The following ST18 variants were observed in gnomAD, a reference collection of about 807,000 sequenced individuals.
The protein encoded by ST18 is ST18 C2H2C-type zinc finger transcription factor.
A neutral mutation model predicts 110.0 loss-of-function variants in ST18; 50 were observed. That is an observed-to-expected ratio of 0.45 (90% confidence interval 0.36 to 0.58). The LOEUF (loss-of-function observed/expected upper bound fraction) is 0.58. ST18 is among the 20% of genes least tolerant of loss of function. ST18 has a pLI of 0.00. For missense variants in ST18, 1,306 were observed against 1,280.1 expected (o/e 1.02, Z -0.31); for synonymous variants, 461 against 452.4 (o/e 1.02, Z -0.24).
intron 2 of ST18, among the ~76,000 whole-genome samples, chr8:52,326,584 A>T (rs114554445): frequency 0.01 from 1,568 of 152,306 alleles, 24 homozygotes; most frequent in African/African-American, 0.036. Context: ...AGGCAAAGTC[A>T]ATGGTGCCTC....
In ST18 at chr8:52,116,377, C is replaced by T; in HGVS notation, c.2901G>A (p.Glu967=). 6.2e-7 allele frequency: 1 copy of T among 1,613,910 alleles called. No homozygotes were observed. Among genetic ancestry groups the T allele is most frequent in the Non-Finnish European group, 8.5e-7 (1 of 1,179,888 alleles). The part of the protein sequence containing the change: ...MESNLKTIEE[E]NKLIEQNNES... Reference sequence around the variant, plus strand: ...CATTGTTCTGTTCTATGAGTTTGTTCTCCTCCTCTATCGTCTTTAAGTTGC... The same window carrying T: ...CATTGTTCTGTTCTATGAGTTTGTTTTCCTCCTCTATCGTCTTTAAGTTGC... Residue 967 remains glutamate, a synonymous_variant, in exon 25 of 26, where the codon GAG becomes GAA. Coordinates refer to ENST00000689386, the MANE Select transcript of ST18 (RefSeq NM_001352837.2).
intron 2 of ST18, among the ~76,000 whole-genome samples, chr8:52,241,142 A>G (rs149405272): frequency 4.9e-4 from 75 of 152,266 alleles, no homozygotes; most frequent in African/African-American, 1.6e-3. Context: ...CATAGGTCCT[A>G]CTGTACTGTG....
intron 14 of ST18, among the ~76,000 whole-genome samples, chr8:52,159,660 T>C (rs531124230): frequency 6.6e-6 from 1 of 152,320 alleles, no homozygotes; most frequent in South Asian, 2.1e-4. Flanking sequence ...TTCATCCAAC[T>C]AGATGGAACT....
intron 23 of ST18, among the ~76,000 whole-genome samples, chr8:52,119,313 G>A (rs977340574): frequency 1.3e-5 from 2 of 152,164 alleles, no homozygotes; most frequent in Non-Finnish European, 2.9e-5. Flanking sequence ...TCAAGGACCT[G>A]GGGAAGGTAG....
At chr8:52,323,731 G>C (rs940143837) in intron 2 of ST18, among the ~76,000 whole-genome samples, 4 of 152,202 alleles carry the variant, frequency 2.6e-5, no homozygotes, top group African/African-American at 9.7e-5. Flanking sequence ...GACTCTGGGC[G>C]AGGGGGAGGC....
At chr8:52,364,771 G>GGGAC (rs1827167089) in intron 2 of ST18, among the ~76,000 whole-genome samples, 1 of 152,120 alleles carries the variant, frequency 6.6e-6, no homozygotes, top group Non-Finnish European at 1.5e-5. Context: ...CACCACCCAT[G>GGGAC]GGACCTGCAG....
intron 2 of ST18, among the ~76,000 whole-genome samples, chr8:52,318,413 G>A (rs191690210): frequency 1.3e-5 from 2 of 152,162 alleles, no homozygotes; most frequent in South Asian, 2.1e-4. Context: ...TGCTGGCAAC[G>A]TTGTGGAGAA....
chr8:52,123,664 G>A (rs1209230934), intron 23 of ST18, among the ~76,000 whole-genome samples: 3 of 152,174 alleles, frequency 2.0e-5, no homozygotes, highest in African/African-American at 7.2e-5. Context: ...AACCCAGCTC[G>A]CTGCTGCTCT....
At chr8:52,165,800 C>T (rs2062787464) in intron 11 of ST18, among the ~76,000 whole-genome samples, 1 of 152,218 alleles carries the variant, frequency 6.6e-6, no homozygotes, top group South Asian at 2.1e-4. Flanking sequence ...TGCAAAATCT[C>T]ACTTTTGAGA....
At chr8:52,253,010 T>G (rs2138398675) in intron 2 of ST18, among the ~76,000 whole-genome samples, 1 of 152,148 alleles carries the variant, frequency 6.6e-6, no homozygotes, top group Admixed American at 6.5e-5. Context: ...CACAGAATTA[T>G]ATTCAACATT....
Position 52,113,081 on chromosome 8 carries a change from T to G in ST18, c.*117A>C, listed in dbSNP as rs1309727477. ...GGGGAAAATAAAATTAGTGCAATGT[T>G]GCAAATTGTAAATGCAGTACGGCAA... On this transcript the variant is annotated 3_prime_UTR_variant, in exon 26 of 26. Transcript: ENST00000689386. 1.7e-6 allele frequency: 2 copies of G among 1,208,944 alleles called. No homozygotes were observed. Among genetic ancestry groups the G allele is most frequent in the African/African-American group, 1.5e-5 (1 of 64,884 alleles). The allele number at this position is 1,208,944 out of a possible 1,614,324, so 74.9% of individuals were successfully genotyped here. A position where few individuals can be genotyped will look rare whatever the true frequency, so the allele number is the denominator to read the frequency against.
At chr8:52,367,507 G>A (rs1205528709) in intron 2 of ST18, among the ~76,000 whole-genome samples, 2 of 152,158 alleles carry the variant, frequency 1.3e-5, no homozygotes, top group South Asian at 2.1e-4. Context: ...AGATCAAAGT[G>A]TATAAATATA....
intron 2 of ST18, among the ~76,000 whole-genome samples, chr8:52,258,606 A>G (rs2094592998): frequency 6.6e-6 from 1 of 152,142 alleles, no homozygotes; most frequent in African/African-American, 2.4e-5. Context: ...AGCTCTACAT[A>G]GCATTTTTAG....
At position 52,159,077 on chromosome 8, in the gene ST18, T is replaced by C; in HGVS notation, c.1627A>G (p.Asn543Asp). 1 of 1,614,110 alleles carries C rather than the reference T, an allele frequency of 6.2e-7. No individual in the cohort carries two copies. Among genetic ancestry groups the C allele is most frequent in the African/African-American group, 1.3e-5 (1 of 75,056 alleles). Residue 543 changes from asparagine to aspartate, a missense_variant, in exon 15 of 26, where the codon AAT (asparagine) becomes GAT (aspartate). Physicochemically the swap from Asn to Asp is conservative, Grantham distance 23 (BLOSUM62 1). Coordinates refer to ENST00000689386, the MANE Select transcript of ST18 (RefSeq NM_001352837.2). ...TGGGCGCCTGCACTAGGCAGTCGAT[T>C]AGGAAATTTCACTGGATTTGGAAAA... The part of the protein sequence containing the change: ...KHFPNPVKFP[N>D]RLPSAGAHTQ...
chr8:52,164,125 T>A, intron 12 of ST18, 35 bp from the exon 13 acceptor site: 2 of 1,555,804 alleles, frequency 1.3e-6, no homozygotes, highest in Non-Finnish European at 1.8e-6. Context: ...GGATTTTAGT[T>A]AAAATGATAA....
intron 2 of ST18, among the ~76,000 whole-genome samples, chr8:52,357,152 G>A (rs374192665): frequency 1.3e-5 from 2 of 152,154 alleles, no homozygotes; most frequent in Non-Finnish European, 2.9e-5. Context: ...AGCTTGCAAT[G>A]TGAAATGATC....
chr8:52,203,402 A>G (rs898766159), intron 8 of ST18, among the ~76,000 whole-genome samples: 3 of 152,128 alleles, frequency 2.0e-5, no homozygotes, highest in Non-Finnish European at 4.4e-5. Flanking sequence ...ATAGAATTTG[A>G]CAAACCAGTC....
chr8:52,295,316 AT>A (rs1343125102), intron 2 of ST18, among the ~76,000 whole-genome samples: 5 of 152,166 alleles, frequency 3.3e-5, no homozygotes, highest in African/African-American at 1.2e-4. Context: ...AAGACTATCT[AT>A]CCTTTTTGAC....
At chr8:52,299,949 G>A (rs1406920960) in intron 2 of ST18, among the ~76,000 whole-genome samples, 1 of 152,194 alleles carries the variant, frequency 6.6e-6, no homozygotes, top group Admixed American at 6.5e-5. Flanking sequence ...CTTCCTTCCT[G>A]TGCCTCTTGT....
Sources: allele counts gnomAD v4.1 joint callset (sites outside exome capture counted in the v4.1 genomes callset), GRCh38; gene constraint gnomAD v4.1.1; transcripts MANE v1.5; gene names NCBI Gene and HGNC (gene_info 2026-07-23, HGNC 2026-07-21).